ARHGAP26: variants seen among roughly 807,000 people sequenced by gnomAD.
ARHGAP26 encodes rho GTPase-activating protein 26.
ARHGAP26 carries 38 observed loss-of-function variants against 104.8 expected under a neutral mutation model. That is an observed-to-expected ratio of 0.36 (90% confidence interval 0.28 to 0.48). ARHGAP26 has a LOEUF of 0.48. ARHGAP26 is among the 20% of genes least tolerant of loss of function. ARHGAP26 has a pLI of 0.99. For synonymous variants in ARHGAP26, 341 were observed against 340.0 expected (o/e 1.00, Z -0.03); for missense variants, 704 against 947.9 (o/e 0.74, Z 3.38).
chr5:143,007,501 C>T (rs1778164053), intron 11 of ARHGAP26, among the ~76,000 whole-genome samples: 1 of 152,198 alleles, frequency 6.6e-6, no homozygotes, highest in South Asian at 2.1e-4. Context: ...TTAATTACTG[C>T]TTAGCCTCTT....
At chr5:142,931,449 C>T (rs1252220692) in intron 10 of ARHGAP26, among the ~76,000 whole-genome samples, 1 of 152,146 alleles carries the variant, frequency 6.6e-6, no homozygotes, top group Non-Finnish European at 1.5e-5. Context: ...GTGAAATGAT[C>T]TCATGCATGT....
At chr5:142,950,973 T>G (rs1768250309) in intron 11 of ARHGAP26, among the ~76,000 whole-genome samples, 3 of 151,554 alleles carry the variant, frequency 2.0e-5, no homozygotes, top group African/African-American at 7.3e-5. Context: ...CCCTTCCTCT[T>G]TCCCTTTCCC....
At chr5:143,020,397 G>A in intron 12 of ARHGAP26, among the ~76,000 whole-genome samples, 1 of 152,130 alleles carries the variant, frequency 6.6e-6, no homozygotes, top group East Asian at 1.9e-4. Flanking sequence ...ATAGACAGAT[G>A]GCCCAATTAC....
chr5:142,940,822 A>T (rs1766170182), intron 11 of ARHGAP26, among the ~76,000 whole-genome samples: 1 of 152,054 alleles, frequency 6.6e-6, no homozygotes, highest in East Asian at 1.9e-4. Context: ...CATGCCTGTA[A>T]TCCCAGCACT....
intron 19 of ARHGAP26, among the ~76,000 whole-genome samples, chr5:143,136,684 A>T (rs970908787): frequency 6.6e-6 from 1 of 152,090 alleles, no homozygotes; most frequent in Non-Finnish European, 1.5e-5. Context: ...TTCTGCTGGG[A>T]CCTGCTCCCT....
chr5:143,108,271 A>T (rs1436753016), intron 17 of ARHGAP26, among the ~76,000 whole-genome samples: 2 of 152,212 alleles, frequency 1.3e-5, no homozygotes, highest in African/African-American at 4.8e-5. Context: ...AGCGTTAGAC[A>T]TGTAAACATA....
intron 17 of ARHGAP26, among the ~76,000 whole-genome samples, chr5:143,105,226 A>G (rs1424224247): frequency 1.3e-5 from 2 of 151,970 alleles, no homozygotes; most frequent in Non-Finnish European, 1.5e-5. Flanking sequence ...AAATACAAAA[A>G]ATTAGCTAGG....
chr5:142,938,980 A>T (rs1765851702), intron 11 of ARHGAP26, among the ~76,000 whole-genome samples: 1 of 152,236 alleles, frequency 6.6e-6, no homozygotes, highest in African/African-American at 2.4e-5. Flanking sequence ...CAGATACTTT[A>T]GCATCAACAA....
intron 20 of ARHGAP26, among the ~76,000 whole-genome samples, chr5:143,173,607 T>A (rs1023698340): frequency 2.6e-5 from 4 of 152,214 alleles, no homozygotes. Flanking sequence ...TTCTGACAGG[T>A]GGGTATTGTT....
At chr5:143,175,751 C>T (rs924592387) in intron 20 of ARHGAP26, among the ~76,000 whole-genome samples, 15 of 152,040 alleles carry the variant, frequency 9.9e-5, no homozygotes, top group African/African-American at 3.6e-4. Flanking sequence ...AGAGAACTGC[C>T]ATAAGAAGGT....
chr5:142,966,037 T>G (rs1057421269), intron 11 of ARHGAP26, among the ~76,000 whole-genome samples: 7 of 152,236 alleles, frequency 4.6e-5, no homozygotes, highest in African/African-American at 7.2e-5. Flanking sequence ...GGTTTCTGTT[T>G]TCAGTGGTTT....
chr5:143,059,948 T>C (rs1786459254), intron 17 of ARHGAP26, among the ~76,000 whole-genome samples: 1 of 152,216 alleles, frequency 6.6e-6, no homozygotes, highest in African/African-American at 2.4e-5. Flanking sequence ...TGGAGAAGGA[T>C]ATGAATGAGC....
At chr5:142,983,020 G>C (rs1222106708) in intron 11 of ARHGAP26, among the ~76,000 whole-genome samples, 2 of 152,156 alleles carry the variant, frequency 1.3e-5, no homozygotes, top group African/African-American at 2.4e-5. Flanking sequence ...AGCTGCCTGG[G>C]ATTGCTGTGC....
chr5:143,167,508 AAAAAAAAAAAG>A, intron 20 of ARHGAP26, among the ~76,000 whole-genome samples: 4 of 138,612 alleles, frequency 2.9e-5, no homozygotes, highest in African/African-American at 1.1e-4. Context: ...AAAAAAAAAA[AAAAAAAAAAAG>A]AAATCCATTG....
At chr5:143,105,357 C>G (rs1427956830) in intron 17 of ARHGAP26, among the ~76,000 whole-genome samples, 1 of 149,536 alleles carries the variant, frequency 6.7e-6, no homozygotes, top group African/African-American at 2.5e-5. Flanking sequence ...GCCTGGGCAA[C>G]AAGAGCGAAG....
intron 1 of ARHGAP26, among the ~76,000 whole-genome samples, chr5:142,833,397 C>T (rs1011183505): frequency 7.2e-5 from 11 of 152,010 alleles, no homozygotes; most frequent in African/African-American, 2.7e-4. Flanking sequence ...TTTTAAAAAA[C>T]ATGTTCATGT....
intron 11 of ARHGAP26, among the ~76,000 whole-genome samples, chr5:142,993,798 A>G (rs1002820703): frequency 2.0e-5 from 3 of 148,850 alleles, no homozygotes; most frequent in African/African-American, 5.0e-5. Flanking sequence ...GGTGCATGCC[A>G]TCATGCCCAG....
chr5:143,066,233 C>CTA (rs764668695), intron 17 of ARHGAP26, among the ~76,000 whole-genome samples: 2 of 152,210 alleles, frequency 1.3e-5, no homozygotes, highest in Non-Finnish European at 2.9e-5. Flanking sequence ...GAGCAATAGG[C>CTA]TATACCACAG....
intron 1 of ARHGAP26, among the ~76,000 whole-genome samples, chr5:142,800,030 A>G (rs1761749235): frequency 6.6e-6 from 1 of 152,244 alleles, no homozygotes; most frequent in African/African-American, 2.4e-5. Context: ...ACTCATTGGT[A>G]CAAATTTAAG....
Sources: allele counts gnomAD v4.1 joint callset (sites outside exome capture counted in the v4.1 genomes callset), GRCh38; gene constraint gnomAD v4.1.1; transcripts MANE v1.5; gene names NCBI Gene and HGNC (gene_info 2026-07-23, HGNC 2026-07-21).